NOTCH3: variants seen among roughly 807,000 people sequenced by gnomAD.
NOTCH3 encodes the protein neurogenic locus notch homolog protein 3.
NOTCH3 carries 86 observed loss-of-function variants against 213.3 expected under a neutral mutation model. That is an observed-to-expected ratio of 0.40 (90% CI 0.34 to 0.48). The LOEUF is 0.48. Ranked by LOEUF, NOTCH3 falls within the 20% of genes least tolerant of loss-of-function variation. The pLI, the probability that NOTCH3 is intolerant of heterozygous loss-of-function variation, is 0.57. For synonymous variants in NOTCH3, 1,354 were observed against 1,355.9 expected, an observed-to-expected ratio of 1.00 and a Z score of 0.03; for missense variants, 2,783 against 3,272.6, an observed-to-expected ratio of 0.85 and a Z score of 3.65.
rs987003488 is a variant in NOTCH3 at position 15,161,796 on chromosome 19, A to G, written c.5914-82T>C. Reference sequence around the variant, plus strand: ...TTCCAGCCTCTTGGGGGAGCCCGAGAGCTATGAGTTTGTACACTGGAGCTT... The same window carrying G: ...TTCCAGCCTCTTGGGGGAGCCCGAGGGCTATGAGTTTGTACACTGGAGCTT... On this transcript the variant is annotated intron_variant, in intron 32 of 32. Coordinates refer to ENST00000263388, the MANE Select transcript of NOTCH3 (RefSeq NM_000435.3). The G allele has an allele frequency of 5.5e-6, 7 of 1,266,320 alleles. No homozygotes were observed. The East Asian group carries it at 1.5e-4, about 27-fold the overall frequency. The allele number at this position is 1,266,320 out of a possible 1,614,324, so 78.4% of individuals were successfully genotyped here.
At position 15,192,316 on chromosome 19, in the gene NOTCH3, G is replaced by C. The variant is rs1273038250; in HGVS notation, c.341-18C>G. 2 of 1,611,148 alleles carry C rather than the reference G, an allele frequency of 1.2e-6. No individual in the cohort carries two copies. The highest frequency in any genetic ancestry group is 1.7e-6 in the Non-Finnish European group (2 of 1,179,292). On this transcript the variant is annotated intron_variant, in intron 3 of 32. Coordinates refer to ENST00000263388, the MANE Select transcript of NOTCH3 (RefSeq NM_000435.3). ...GTCAGGGCCTGGAGGGACCAGGACA[G>C]GGTGAGTTTAGGACTGACCACACCC...
chr19:15,173,857 G>A lies in NOTCH3; in HGVS notation c.4736+211C>T, dbSNP rs146580858. ...ACTCTGCCAAGCCACTTAGCAACCT[G>A]CCTCCCCACAAGCCAGCACTAGACC... On this transcript the variant is annotated intron_variant, in intron 25 of 32. Transcript: ENST00000263388. Among the ~76,000 whole-genome samples the A allele has an allele frequency of 3.9e-3, 589 of 152,298 alleles. 2 individuals carry two copies. Among genetic ancestry groups the A allele is most frequent in the Non-Finnish European group, 5.7e-3 (386 of 68,038 alleles).
At position 15,187,875 on chromosome 19, in the gene NOTCH3, C is replaced by T. The variant is rs2145434175; in HGVS notation, c.1606+6G>A. On this transcript the variant is annotated splice_donor_region_variant and intron_variant, in intron 10 of 32. Coordinates refer to ENST00000263388, the MANE Select transcript of NOTCH3 (RefSeq NM_000435.3). ...TTCTTGTCGGACTGTCATTGGCCCGCCTCACCCTCGGCACAGCGGCACTCG... is the reference window on the plus strand; with the variant it reads ...TTCTTGTCGGACTGTCATTGGCCCGTCTCACCCTCGGCACAGCGGCACTCG... 6.5e-7 allele frequency: 1 copy of T among 1,547,536 alleles called. No homozygotes were observed. Among genetic ancestry groups the T allele is most frequent in the African/African-American group, 1.4e-5 (1 of 73,088 alleles).
At position 15,173,052 on chromosome 19, in the gene NOTCH3, C is replaced by CCTCCT. The variant is rs781063990; in HGVS notation, c.4736+1015_4736+1016insAGGAG. ...CCCCCTCCCCCTCCCCCTCCCTCCT[C>CCTCCT]CCTCTTCTTCTTCTTCTTCTTCTTC... On this transcript the variant is annotated intron_variant, in intron 25 of 32. Coordinates refer to ENST00000263388, the MANE Select transcript of NOTCH3 (RefSeq NM_000435.3). Among the ~76,000 whole-genome samples the CCTCCT allele has an allele frequency of 1.7e-3, 33 of 18,982 alleles. 3 individuals carry two copies. Among genetic ancestry groups the CCTCCT allele is most frequent in the Admixed American group, 3.6e-3 (8 of 2,228 alleles). 12.5% of individuals were successfully genotyped at this position (18,982 alleles called of 152,430 possible).
At chr19:15,187,847 T>C (rs1391741335) in intron 10 of NOTCH3, 34 bp downstream of exon 10, 3 of 1,512,254 alleles carry the variant, frequency 2.0e-6, no homozygotes, top group Non-Finnish European at 2.7e-6. Context: ...CCCCGCCTCC[T>C]GATTCTTGTC....
intron 31 of NOTCH3, among the ~76,000 whole-genome samples, chr19:15,162,788 TGTGTGC>T (rs373295585): frequency 0.61 from 87,440 of 142,352 alleles, 27,870 homozygotes; most frequent in Non-Finnish European, 0.74. Flanking sequence ...TGTGTGTGTG[TGTGTGC>T]GTGCATGTGC....
At chr19:15,176,159 A>ATTTTTTTTTTT in intron 24 of NOTCH3, among the ~76,000 whole-genome samples, 1 of 119,978 alleles carries the variant, frequency 8.3e-6, no homozygotes, top group Non-Finnish European at 1.7e-5. Context: ...AACAAAAGCA[A>ATTTTTTTTTTT]TTTTTTTTTT....
At chr19:15,178,209 A>G in intron 23 of NOTCH3, 119 bp from the exon 24 acceptor site, 1 of 629,470 alleles carries the variant, frequency 1.6e-6, no homozygotes, top group Non-Finnish European at 2.7e-6. Flanking sequence ...GGAAGAGAAG[A>G]GGTCAAGACT....
intron 16 of NOTCH3, among the ~76,000 whole-genome samples, chr19:15,182,920 G>A (rs2046851998): frequency 6.6e-6 from 1 of 152,068 alleles, no homozygotes; most frequent in African/African-American, 2.4e-5. Flanking sequence ...GGGATTACCG[G>A]TGTGAGCCAC....
At chr19:15,167,674 C>T (rs1035344541) in intron 28 of NOTCH3, among the ~76,000 whole-genome samples, 3 of 152,118 alleles carry the variant, frequency 2.0e-5, no homozygotes, top group African/African-American at 4.8e-5. Flanking sequence ...CTGCCTCAGC[C>T]TCTGGAGTAG....
At chr19:15,183,384 T>TTTGTTTG (rs2046855398) in intron 16 of NOTCH3, among the ~76,000 whole-genome samples, 22 of 150,178 alleles carry the variant, frequency 1.5e-4, no homozygotes, top group Non-Finnish European at 5.9e-5. Flanking sequence ...CAGCACCCCT[T>TTTGTTTG]TTTGTTTGTT....
At chr19:15,169,363 C>T (rs562806342) in intron 28 of NOTCH3, among the ~76,000 whole-genome samples, 4 of 151,868 alleles carry the variant, frequency 2.6e-5, no homozygotes, top group African/African-American at 7.2e-5. Flanking sequence ...CCTCCAGAAC[C>T]GTGAAAAAAT....
chr19:15,191,390 T>C, intron 6 of NOTCH3, 34 bp downstream of exon 6: 3 of 1,580,054 alleles, frequency 1.9e-6, no homozygotes, highest in Non-Finnish European at 2.6e-6. Context: ...CTAAAAACCA[T>C]CCATGGCTCC....
At chr19:15,168,378 T>C (rs1218699950) in intron 28 of NOTCH3, among the ~76,000 whole-genome samples, 1 of 152,178 alleles carries the variant, frequency 6.6e-6, no homozygotes, top group African/African-American at 2.4e-5. Context: ...CATTAAAATA[T>C]GGACAGAGGA....
At chr19:15,176,620 G>A (rs533324071) in intron 24 of NOTCH3, among the ~76,000 whole-genome samples, 3 of 151,956 alleles carry the variant, frequency 2.0e-5, no homozygotes, top group African/African-American at 4.8e-5. Flanking sequence ...AAAGTTACCC[G>A]GGCGCGGTGG....
Position 15,184,956 on chromosome 19 carries a change from T to C in NOTCH3, c.2360A>G (p.Glu787Gly), listed in dbSNP as rs2145428653. The change falls in exon 15 of 33, where the codon GAG becomes GGG. Residue 787 changes from glutamate to glycine, a missense_variant. By Grantham distance (98) the Glu-to-Gly change is moderately conservative. Around this residue, in one of 6 missense-constraint regions of NOTCH3, gnomAD observed 861 missense variants for 909.1 expected, o/e 0.95. Transcript: ENST00000263388. ...GACAGGCAGCTGGCCAGGGGCAGAC[T>C]CGCAGCGGCCCCCATGCTCACAGGG... is the stretch of plus-strand genomic sequence containing the variant. ...PNPCEHGGRC[E>G]SAPGQLPVCS... 2 of 1,548,944 alleles carry C rather than the reference T, an allele frequency of 1.3e-6. No individual in the cohort carries two copies. The highest frequency in any genetic ancestry group is 1.7e-6 in the Non-Finnish European group (2 of 1,145,732).
chr19:15,169,249 G>A (rs2046711219), intron 28 of NOTCH3, among the ~76,000 whole-genome samples: 1 of 150,170 alleles, frequency 6.7e-6, no homozygotes, highest in Admixed American at 6.7e-5. Flanking sequence ...GTACACAGAG[G>A]AAAGGCCATG....
Position 15,170,835 on chromosome 19 carries a change from C to T in NOTCH3, c.4737-10G>A. The T allele has an allele frequency of 1.2e-6, 2 of 1,612,934 alleles. No homozygotes were observed. The highest frequency in any genetic ancestry group is 1.1e-5 in the South Asian group (1 of 90,878). The stretch of plus-strand genomic sequence containing the variant: ...CAGCATTACTACCGAGCTGCAGGGA[C>T]AGCAGGGAGGGACCAGAGGGCTCAA... On this transcript the variant is annotated splice_polypyrimidine_tract_variant and intron_variant, in intron 25 of 32. Transcript: ENST00000263388.
Position 15,191,668 on chromosome 19 carries a change from C to T in NOTCH3, c.803-11G>A, listed in dbSNP as rs1214043020. Reference sequence around the variant, plus strand: ...CCGTGCAGAACTGGCCTGTGGCACACAGATGCAGCAGTCCAGCCACCTGGC... The same window carrying T: ...CCGTGCAGAACTGGCCTGTGGCACATAGATGCAGCAGTCCAGCCACCTGGC... On this transcript the variant is annotated splice_polypyrimidine_tract_variant and intron_variant, in intron 5 of 32. Coordinates refer to ENST00000263388, the MANE Select transcript of NOTCH3 (RefSeq NM_000435.3). The T allele has an allele frequency of 6.2e-7, 1 of 1,613,510 alleles. No individual in the cohort carries two copies. Among genetic ancestry groups the T allele is most frequent in the Non-Finnish European group, 8.5e-7 (1 of 1,179,964 alleles).
Sources: gnomAD v4.1 joint callset for allele counts (sites outside exome capture counted in the v4.1 genomes callset) on GRCh38, gnomAD v4.1.1 for gene constraint, gnomAD v4.1.1 regional missense constraint, MANE v1.5 for transcripts, NCBI Gene and HGNC (gene_info 2026-07-23, HGNC 2026-07-21) for gene names.